Variants in PRKAG2 observed in about 807,000 individuals in gnomAD.
The protein encoded by PRKAG2 is protein kinase AMP-activated non-catalytic subunit gamma 2, also known as 5'-AMP-activated protein kinase subunit gamma-2.
A neutral mutation model predicts 69.6 loss-of-function variants in PRKAG2; 26 were observed. That is an observed-to-expected ratio of 0.37 (90% CI 0.27 to 0.52). The LOEUF (loss-of-function observed/expected upper bound fraction) is 0.52. Ranked by LOEUF, PRKAG2 falls within the 20% of genes least tolerant of loss-of-function variation. The probability of loss-of-function intolerance (pLI) is 0.90; values close to 1 mark genes in which losing one functional copy is unlikely to be tolerated. For missense variants in PRKAG2, 557 were observed against 740.0 expected (o/e 0.75, Z 2.87); for synonymous variants, 293 against 285.0 (o/e 1.03, Z -0.28).
intron 1 of PRKAG2, among the ~76,000 whole-genome samples, chr7:151,832,548 T>G (rs1039695891): frequency 4.1e-4 from 62 of 150,052 alleles, no homozygotes; most frequent in Middle Eastern, 3.5e-3. Context: ...GCCTAGGGGT[T>G]CTCCCCCCTT....
At chr7:151,755,455 A>C (rs2075022350) in intron 3 of PRKAG2, among the ~76,000 whole-genome samples, 2 of 152,088 alleles carry the variant, frequency 1.3e-5, no homozygotes, top group African/African-American at 2.4e-5. Context: ...GTGACCTCAG[A>C]GGACCTCAGA....
chr7:151,772,920 G>A (rs1178780843), intron 3 of PRKAG2, among the ~76,000 whole-genome samples: 2 of 151,154 alleles, frequency 1.3e-5, no homozygotes, highest in African/African-American at 4.9e-5. Flanking sequence ...GGGAAGTTGA[G>A]GCTCTGCAGT....
chr7:151,625,592 TGG>T, intron 5 of PRKAG2, among the ~76,000 whole-genome samples: 1 of 152,122 alleles, frequency 6.6e-6, no homozygotes, highest in East Asian at 1.9e-4. Flanking sequence ...GCTTGGCTGC[TGG>T]AACGGTCCAT....
rs1351520023 is a variant in PRKAG2 at position 151,774,573 on chromosome 7, G to A, written c.466+6579C>T. Among the ~76,000 whole-genome samples the A allele has an allele frequency of 1.1e-4, 16 of 152,208 alleles. No homozygotes were observed. In the East Asian group the frequency reaches 3.1e-3, roughly 29 times the overall value. ...TGTAATCCCAGCACTTTGGGAGGCT[G>A]AGGCAGATGGATCACTTGATGTGAG... On this transcript the variant is annotated intron_variant, in intron 3 of 15. Transcript: ENST00000287878.
chr7:151,654,368 C>T (rs759155963), intron 4 of PRKAG2, among the ~76,000 whole-genome samples: 2 of 152,206 alleles, frequency 1.3e-5, no homozygotes, highest in Non-Finnish European at 2.9e-5. Context: ...ATATGGCTCA[C>T]TGATGTTAGT....
rs1264160564 is a variant in PRKAG2, at chr7:151,568,725, G to C, written c.1224C>G (p.Leu408=). 6.2e-7 allele frequency: 1 copy of C among 1,613,808 alleles called. No individual in the cohort carries two copies. The highest frequency in any genetic ancestry group is 1.1e-5 in the South Asian group (1 of 91,062). The part of the protein sequence containing the change: ...ILTHKRILKF[L]QLFMSDMPKP... Reference sequence around the variant, plus strand: ...GCTAAAAACTACTTACAAAAAGCTGGAGGAACTTGAGGATTCTTTTGTGGG... The same window carrying C: ...GCTAAAAACTACTTACAAAAAGCTGCAGGAACTTGAGGATTCTTTTGTGGG... Residue 408 remains leucine, a synonymous_variant, in exon 11 of 16, where the codon CTC becomes CTG. Coordinates refer to ENST00000287878, the MANE Select transcript of PRKAG2 (RefSeq NM_016203.4).
chr7:151,587,772 A>C (rs1812041819), intron 6 of PRKAG2, among the ~76,000 whole-genome samples: 1 of 152,208 alleles, frequency 6.6e-6, no homozygotes, highest in Non-Finnish European at 1.5e-5. Flanking sequence ...CATGATGACG[A>C]GACGTGATGG....
intron 1 of PRKAG2, among the ~76,000 whole-genome samples, chr7:151,817,232 T>G (rs1188784564): frequency 6.6e-6 from 1 of 152,146 alleles, no homozygotes; most frequent in Non-Finnish European, 1.5e-5. Flanking sequence ...TCACAGATAC[T>G]TAGCAAAGCC....
At chr7:151,620,209 T>G (rs1351130178) in intron 5 of PRKAG2, among the ~76,000 whole-genome samples, 1 of 152,142 alleles carries the variant, frequency 6.6e-6, no homozygotes, top group Non-Finnish European at 1.5e-5. Flanking sequence ...TTATTAACGA[T>G]TTTTAAAAAG....
chr7:151,784,494 C>T (rs962850596), intron 2 of PRKAG2, among the ~76,000 whole-genome samples: 1 of 152,162 alleles, frequency 6.6e-6, no homozygotes, highest in Non-Finnish European at 1.5e-5. Flanking sequence ...GGCCCTGACC[C>T]AGAGGAGGCC....
intron 3 of PRKAG2, among the ~76,000 whole-genome samples, chr7:151,746,845 A>T (rs1860741): frequency 6.6e-6 from 1 of 152,024 alleles, no homozygotes; most frequent in African/African-American, 2.4e-5. Flanking sequence ...CCTTGGCAGA[A>T]CCTGCTCTGG....
At chr7:151,584,449 T>C (rs1213767434) in intron 6 of PRKAG2, among the ~76,000 whole-genome samples, 1 of 151,984 alleles carries the variant, frequency 6.6e-6, no homozygotes, top group African/African-American at 2.4e-5. Context: ...GTCCCAGTTT[T>C]ACACAGATCT....
intron 1 of PRKAG2, among the ~76,000 whole-genome samples, chr7:151,865,541 T>C (rs928492879): frequency 6.6e-6 from 1 of 152,240 alleles, no homozygotes; most frequent in Non-Finnish European, 1.5e-5. Flanking sequence ...GTGAGACCCC[T>C]GTGCCTGGCA....
intron 3 of PRKAG2, among the ~76,000 whole-genome samples, chr7:151,703,045 C>T (rs56283146): frequency 0.047 from 7,175 of 152,262 alleles, 481 homozygotes; most frequent in African/African-American, 0.14. Flanking sequence ...TGCTGGGCTC[C>T]CTAACCTGCC....
intron 6 of PRKAG2, among the ~76,000 whole-genome samples, chr7:151,580,870 A>T (rs1328652952): frequency 6.6e-6 from 1 of 152,182 alleles, no homozygotes; most frequent in Non-Finnish European, 1.5e-5. Context: ...GATAGAATGA[A>T]TACGGTCTAG....
Position 151,807,078 on chromosome 7 carries a change from G to T in PRKAG2, c.115-20537C>A, listed in dbSNP as rs936613848. ...CCCTCAAGTCTGAAGGTGGAGGTGG[G>T]GAAGGGCAGAGGCTGTAAAGGGTCA... On this transcript the variant is annotated intron_variant, in intron 1 of 15. Coordinates refer to ENST00000287878, the MANE Select transcript of PRKAG2 (RefSeq NM_016203.4). This position sits in a 1 kb window ranked among gnomAD's most constrained non-coding sequence, Gnocchi z 4.4. The T allele has an allele frequency of 3.5e-5, 15 of 425,842 alleles. No individual in the cohort carries two copies. Among genetic ancestry groups the T allele is most frequent in the Non-Finnish European group, 6.5e-5 (14 of 214,692 alleles). The allele number at this position is 425,842 out of a possible 1,614,324, so 26.4% of individuals were successfully genotyped here.
chr7:151,827,871 T>C (rs2078944355), intron 1 of PRKAG2, among the ~76,000 whole-genome samples: 1 of 150,862 alleles, frequency 6.6e-6, no homozygotes, highest in Non-Finnish European at 1.5e-5. Flanking sequence ...TCCGTCTTGG[T>C]GCTGTTGTTC....
chr7:151,852,855 A>T (rs1381653906), intron 1 of PRKAG2, among the ~76,000 whole-genome samples: 1 of 152,164 alleles, frequency 6.6e-6, no homozygotes, highest in East Asian at 1.9e-4. Flanking sequence ...CCTCTCTCCT[A>T]TCTCACAGCC....
chr7:151,676,174 G>A (rs144204999), intron 3 of PRKAG2, among the ~76,000 whole-genome samples: 405 of 147,082 alleles, frequency 2.8e-3, no homozygotes, highest in South Asian at 7.5e-3. Flanking sequence ...AAAACATGGG[G>A]AAGTTCGGAA....
Sources: gnomAD v4.1 joint callset for allele counts (sites outside exome capture counted in the v4.1 genomes callset) on GRCh38, gnomAD v4.1.1 for gene constraint, Gnocchi (gnomAD v3.1) non-coding constraint, MANE v1.5 for transcripts, NCBI Gene and HGNC (gene_info 2026-07-23, HGNC 2026-07-21) for gene names.